The following HS1BP3 variants were observed in gnomAD, a reference collection of about 807,000 sequenced individuals.
The protein encoded by HS1BP3 is HCLS1 binding protein 3.
In HS1BP3, 32 loss-of-function variants were observed where a neutral mutation model predicts 33.5. That is an observed-to-expected ratio of 0.95 (90% confidence interval 0.72 to 1.28). The LOEUF (loss-of-function observed/expected upper bound fraction) is 1.28, where lower values mean the gene tolerates loss of function less well. Ranked by LOEUF, HS1BP3 falls within the 50% of genes most tolerant of loss-of-function variation. The pLI is 0.00. For missense variants in HS1BP3, 486 were observed against 502.3 expected, an observed-to-expected ratio of 0.97 and a Z score of 0.31; for synonymous variants, 187 against 209.2, an observed-to-expected ratio of 0.89 and a Z score of 0.92.
In HS1BP3 at chr2:20,619,118, C is replaced by T. The variant is rs2149289385; in HGVS notation, c.1048G>A (p.Ala350Thr). The T allele has an allele frequency of 6.2e-7, 1 of 1,614,196 alleles. No homozygotes were observed. Among genetic ancestry groups the T allele is most frequent in the Non-Finnish European group, 8.5e-7 (1 of 1,180,018 alleles). Residue 350 changes from alanine (A) to threonine (T), a missense_variant, in exon 7 of 7, where the codon GCG (alanine) becomes ACG (threonine). Coordinates refer to ENST00000304031, the MANE Select transcript of HS1BP3 (RefSeq NM_022460.4). ...IPRKPAVPPK[A>T]GPAEAVAGQQ... Reference sequence around the variant, plus strand: ...CCAGCCACAGCTTCAGCCGGGCCCGCTTTGGGGGGAACAGCTGGTTTTCTG... The same window carrying T: ...CCAGCCACAGCTTCAGCCGGGCCCGTTTTGGGGGGAACAGCTGGTTTTCTG...
chr2:20,569,159 A>G (rs1490554364), intron 5 of HS1BP3, among the ~76,000 whole-genome samples: 1 of 152,102 alleles, frequency 6.6e-6, no homozygotes, highest in African/African-American at 2.4e-5. Context: ...GGAGAGAGAG[A>G]GAGAAAGGGA....
At chr2:20,609,553 T>C (rs1156280974) in intron 2 of HS1BP3, among the ~76,000 whole-genome samples, 8 of 152,194 alleles carry the variant, frequency 5.3e-5, no homozygotes, top group African/African-American at 1.9e-4. Flanking sequence ...GAGGGAAGGC[T>C]GGGCTGAGCC....
Position 20,641,021 on chromosome 2 carries a change from A to G in HS1BP3, c.358T>C (p.Ser120Pro), listed in dbSNP as rs761650430. 2.4e-5 allele frequency: 38 copies of G among 1,614,058 alleles called. No individual in the cohort carries two copies. The highest frequency in any genetic ancestry group is 3.0e-5 in the Non-Finnish European group (35 of 1,180,040). The change falls in exon 3 of 7, where the codon TCC (serine) becomes CCC (proline). Residue 120 changes from serine (S) to proline (P), a missense_variant. Transcript: ENST00000304031. ...AVFNEILRCV[S>P]KDAELAGSPE... is the part of the protein sequence containing the mutation. Reference sequence around the variant, plus strand: ...CTGCCTGCCAACTCGGCATCCTTGGAGACACAGCGCAGGATCTCATTGAAC... The same window carrying G: ...CTGCCTGCCAACTCGGCATCCTTGGGGACACAGCGCAGGATCTCATTGAAC...
At chr2:20,624,114 G>C in intron 5 of HS1BP3, 83 bp from the exon 6 acceptor site, 1 of 1,489,206 alleles carries the variant, frequency 6.7e-7, no homozygotes. Flanking sequence ...CCCACCCCAG[G>C]AAGTCTTCTG....
intron 5 of HS1BP3, among the ~76,000 whole-genome samples, chr2:20,577,821 G>C (rs537660827): frequency 3.3e-5 from 5 of 152,348 alleles, no homozygotes; most frequent in African/African-American, 1.2e-4. Flanking sequence ...CCCGGCACTG[G>C]GGCTGGATGG....
At chr2:20,607,746 T>C (rs1400784558) in intron 2 of HS1BP3, among the ~76,000 whole-genome samples, 3 of 152,232 alleles carry the variant, frequency 2.0e-5, no homozygotes, top group Non-Finnish European at 4.4e-5. Flanking sequence ...CCCTTGTAAT[T>C]CCATACAAAT....
chr2:20,639,201 G>A (rs781240727), intron 3 of HS1BP3, among the ~76,000 whole-genome samples: 1 of 152,200 alleles, frequency 6.6e-6, no homozygotes, highest in Non-Finnish European at 1.5e-5. Flanking sequence ...CAGAACAAAC[G>A]GTAATCACTC....
At position 20,578,998 on chromosome 2, in the gene HS1BP3, C is replaced by T. The variant is rs1196040230; in HGVS notation, c.303-18483G>A. On this transcript the variant is annotated intron_variant, in intron 5 of 5. Coordinates refer to the HS1BP3 transcript ENST00000446825. ...AGTGGAAAGTCAGGCGGTGTCCCCT[C>T]CCAAGCCTCACAGGCTGAGCCAGGT... 2.0e-5 allele frequency among the ~76,000 whole-genome samples: 3 copies of T among 152,362 alleles called. No individual in the cohort carries two copies. In the East Asian group the frequency reaches 5.8e-4, roughly 29 times the overall value.
chr2:20,597,510 A>G (rs1693970054), intron 3 of HS1BP3, among the ~76,000 whole-genome samples: 1 of 152,118 alleles, frequency 6.6e-6, no homozygotes, highest in South Asian at 2.1e-4. Context: ...TTTCCATGAG[A>G]GGTGATCAAA....
At chr2:20,638,127 C>G (rs919989720) in intron 4 of HS1BP3, 25 of 533,684 alleles carry the variant, frequency 4.7e-5, no homozygotes, top group Non-Finnish European at 7.5e-5. Flanking sequence ...CGGACAGGCC[C>G]GCAGCCTGCA....
At chr2:20,599,078 C>T (rs1459447643) in intron 2 of HS1BP3, among the ~76,000 whole-genome samples, 1 of 152,238 alleles carries the variant, frequency 6.6e-6, no homozygotes, top group Non-Finnish European at 1.5e-5. Flanking sequence ...TCAGCACCGC[C>T]CCTGGGGGCC....
intron 5 of HS1BP3, among the ~76,000 whole-genome samples, chr2:20,572,610 T>C (rs553534718): frequency 6.6e-6 from 1 of 152,208 alleles, no homozygotes; most frequent in South Asian, 2.1e-4. Flanking sequence ...TGTAAAATGG[T>C]TAGAATTATT....
At chr2:20,595,697 GCAAATGAGACCACAGA>G (rs887926154) in intron 3 of HS1BP3, among the ~76,000 whole-genome samples, 1 of 152,204 alleles carries the variant, frequency 6.6e-6, no homozygotes, top group Non-Finnish European at 1.5e-5. Flanking sequence ...TGACATAAAT[GCAAATGAGACCACAGA>G]CAACTAGCCT....
chr2:20,614,151 C>G (rs1322751035), downstream of HS1BP3, among the ~76,000 whole-genome samples: 2 of 152,096 alleles, frequency 1.3e-5, no homozygotes, highest in Non-Finnish European at 2.9e-5. Flanking sequence ...AGCTATAAAC[C>G]AAGGGACCCC....
downstream of HS1BP3, among the ~76,000 whole-genome samples, chr2:20,559,183 C>G (rs1692913631): frequency 6.6e-6 from 1 of 152,202 alleles, no homozygotes; most frequent in Admixed American, 6.5e-5. Context: ...CAGCTCACCC[C>G]ACAAAGCCCC....
intron 2 of HS1BP3, among the ~76,000 whole-genome samples, chr2:20,600,088 A>C (rs1694038043): frequency 6.6e-6 from 1 of 152,186 alleles, no homozygotes; most frequent in South Asian, 2.1e-4. Flanking sequence ...GGCCTCAGAA[A>C]GCTTCAACAG....
chr2:20,619,496 C>T (rs1008341774), intron 6 of HS1BP3, among the ~76,000 whole-genome samples: 2 of 152,320 alleles, frequency 1.3e-5, no homozygotes, highest in East Asian at 1.9e-4. Flanking sequence ...GCAGGCCCCA[C>T]GCAGCCTCCT....
downstream of HS1BP3, among the ~76,000 whole-genome samples, chr2:20,591,713 G>A (rs867820705): frequency 1.4e-4 from 22 of 152,202 alleles, no homozygotes; most frequent in Middle Eastern, 6.8e-3. Flanking sequence ...GCAGACATGC[G>A]CCACCATGCC....
chr2:20,650,943 G>C, intron 1 of HS1BP3, 89 bp downstream of exon 1: 1 of 1,122,866 alleles, frequency 8.9e-7, no homozygotes, highest in Non-Finnish European at 1.1e-6. Context: ...CAGGTCCCTG[G>C]CCTAGGAGGC....
Sources: gnomAD v4.1 joint callset for allele counts (sites outside exome capture counted in the v4.1 genomes callset) on GRCh38, gnomAD v4.1.1 for gene constraint, MANE v1.5 for transcripts, NCBI Gene and HGNC (gene_info 2026-07-23, HGNC 2026-07-21) for gene names.